DSTYK: variants seen among roughly 807,000 people sequenced by gnomAD.
DSTYK encodes dual serine/threonine and tyrosine protein kinase, also known as RIP-homologous kinase.
DSTYK carries 34 observed loss-of-function variants against 98.7 expected under a neutral mutation model. That is an observed-to-expected ratio of 0.34 (90% CI 0.26 to 0.46). DSTYK has a LOEUF of 0.46. Ranked by LOEUF, DSTYK falls within the 20% of genes least tolerant of loss-of-function variation. The pLI, the probability that DSTYK is intolerant of heterozygous loss-of-function variation, is 1.00. For missense variants in DSTYK, 962 were observed against 1,181.7 expected, an observed-to-expected ratio of 0.81 and a Z score of 2.73; for synonymous variants, 462 against 457.3, an observed-to-expected ratio of 1.01 and a Z score of -0.13.
chr1:205,159,082 TA>T (rs113724785), intron 9 of DSTYK, among the ~76,000 whole-genome samples: 28 of 149,030 alleles, frequency 1.9e-4, no homozygotes, highest in Middle Eastern at 6.8e-3. Context: ...GATAAATCTT[TA>T]AAAATTTTTT....
chr1:205,162,751 ATAAT>A (rs1450677915), intron 5 of DSTYK, among the ~76,000 whole-genome samples, 168 bp downstream of exon 5: 7 of 152,360 alleles, frequency 4.6e-5, no homozygotes, highest in Admixed American at 1.3e-4. Flanking sequence ...AACAATGTTA[ATAAT>A]TATTTAAGAA....
At chr1:205,196,429 T>G (rs1418664391) in intron 1 of DSTYK, among the ~76,000 whole-genome samples, 2 of 152,098 alleles carry the variant, frequency 1.3e-5, no homozygotes, top group Admixed American at 6.6e-5. Flanking sequence ...CGGTGGCATG[T>G]GCCTGTAGTC....
At position 205,160,207 on chromosome 1, in the gene DSTYK, T is replaced by C. The variant is rs764174507; in HGVS notation, c.2012A>G (p.Asn671Ser). The C allele has an allele frequency of 1.2e-6, 2 of 1,614,144 alleles. No homozygotes were observed. Among genetic ancestry groups the C allele is most frequent in the East Asian group, 2.2e-5 (1 of 44,882 alleles). The change falls in exon 8 of 13, where the codon AAC becomes AGC. Residue 671 changes from asparagine (N) to serine (S), a missense_variant. By Grantham distance (46) the Asn-to-Ser change is conservative (BLOSUM62 1). Around this residue, in one of 4 missense-constraint regions of DSTYK, gnomAD observed 660 missense variants for 855.0 expected, o/e 0.77. Coordinates refer to ENST00000367162, the MANE Select transcript of DSTYK (RefSeq NM_015375.3). Reference sequence around the variant, plus strand: ...GGCACAAGGGAAGTGTCCTCCCCAGTTGTCACACAGGTATACCACACCATA... The same window carrying C: ...GGCACAAGGGAAGTGTCCTCCCCAGCTGTCACACAGGTATACCACACCATA... ...GQYGVVYLCD[N>S]WGGHFPCALK...
At chr1:205,175,738 T>C (rs1658209141) in intron 2 of DSTYK, among the ~76,000 whole-genome samples, 1 of 152,156 alleles carries the variant, frequency 6.6e-6, no homozygotes, top group African/African-American at 2.4e-5. Context: ...TGGGCCTTAG[T>C]ATGGCCACCT....
intron 2 of DSTYK, among the ~76,000 whole-genome samples, chr1:205,185,796 G>A (rs1658544387): frequency 6.6e-6 from 1 of 152,144 alleles, no homozygotes; most frequent in Non-Finnish European, 1.5e-5. Flanking sequence ...GGTTGAGGTG[G>A]GTGGATCACT....
intron 1 of DSTYK, among the ~76,000 whole-genome samples, chr1:205,209,030 G>T (rs555178896): frequency 6.6e-6 from 1 of 152,168 alleles, no homozygotes; most frequent in Non-Finnish European, 1.5e-5. Context: ...ACAGACTCCC[G>T]ATGGTGAAGA....
intron 2 of DSTYK, among the ~76,000 whole-genome samples, chr1:205,175,514 A>G (rs1181786364): frequency 6.6e-6 from 1 of 152,124 alleles, no homozygotes; most frequent in Non-Finnish European, 1.5e-5. Flanking sequence ...TGCTCTGAGT[A>G]TCATGATTGT....
intron 6 of DSTYK, 106 bp from the exon 7 acceptor site, chr1:205,161,493 A>G (rs1408491532): frequency 8.5e-7 from 1 of 1,181,786 alleles, no homozygotes; most frequent in Non-Finnish European, 1.2e-6. Context: ...TAATTGTGAG[A>G]ATTAAACAAG....
chr1:205,177,821 C>T (rs912174386), intron 2 of DSTYK, among the ~76,000 whole-genome samples: 17 of 151,498 alleles, frequency 1.1e-4, no homozygotes, highest in Admixed American at 2.6e-4. Context: ...GAGCCAAGAT[C>T]GTGCCACTGC....
intron 1 of DSTYK, among the ~76,000 whole-genome samples, chr1:205,210,588 G>T (rs1337740091): frequency 2.6e-5 from 4 of 152,210 alleles, no homozygotes; most frequent in African/African-American, 9.6e-5. Context: ...AATCATGCAA[G>T]AAAGAACAAG....
intron 1 of DSTYK, among the ~76,000 whole-genome samples, chr1:205,203,432 A>G (rs1659100977): frequency 6.9e-6 from 1 of 144,932 alleles, no homozygotes; most frequent in Non-Finnish European, 1.5e-5. Context: ...CAGTGAGCCA[A>G]GATCCAGCCT....
rs751507920 is a variant in DSTYK at position 205,160,215 on chromosome 1, C to A, written c.2004G>T (p.Leu668=). The change falls in exon 8 of 13, where the codon CTG becomes CTT. Residue 668 remains leucine (L), a synonymous_variant. Coordinates refer to ENST00000367162, the MANE Select transcript of DSTYK (RefSeq NM_015375.3). ...GGAAGTGTCCTCCCCAGTTGTCACA[C>A]AGGTATACCACACCATACTGGCCCC... ...LGRGQYGVVY[L]CDNWGGHFPC... 1 of 1,614,142 alleles carries A rather than the reference C, an allele frequency of 6.2e-7. No homozygotes were observed. Among genetic ancestry groups the A allele is most frequent in the Admixed American group, 1.7e-5 (1 of 60,024 alleles).
chr1:205,196,588 T>G (rs765637264), intron 1 of DSTYK, among the ~76,000 whole-genome samples: 1 of 151,756 alleles, frequency 6.6e-6, no homozygotes, highest in Non-Finnish European at 1.5e-5. Context: ...AAAAACCCCA[T>G]CACTGAGACA....
At chr1:205,204,483 A>ACACAC (rs1491083892) in intron 1 of DSTYK, among the ~76,000 whole-genome samples, 1 of 98,622 alleles carries the variant, frequency 1.0e-5, no homozygotes, top group Non-Finnish European at 2.7e-5. Context: ...CACACACACA[A>ACACAC]CCACTCAAAC....
At chr1:205,193,181 G>A (rs1574791780) in intron 1 of DSTYK, among the ~76,000 whole-genome samples, 1 of 152,164 alleles carries the variant, frequency 6.6e-6, no homozygotes, top group Non-Finnish European at 1.5e-5. Context: ...TCTTTTCAGA[G>A]AAATTCTTAG....
chr1:205,148,408 C>G, intron 11 of DSTYK, 69 bp from the exon 12 acceptor site: 1 of 1,593,794 alleles, frequency 6.3e-7, no homozygotes, highest in Non-Finnish European at 8.5e-7. Context: ...CACCACCTTG[C>G]CTCAGTAGAG....
At position 205,169,632 on chromosome 1, in the gene DSTYK, G is replaced by T; in HGVS notation, c.855C>A (p.Gly285=). 6.2e-7 allele frequency: 1 copy of T among 1,614,192 alleles called. No homozygotes were observed. Among genetic ancestry groups the T allele is most frequent in the Non-Finnish European group, 8.5e-7 (1 of 1,180,036 alleles). ...TGGTTGAGGAGTCTATTATCTCCGAGCCCAGTTTCGGCACTTTGAAAAAGA... is the reference window on the plus strand; with the variant it reads ...TGGTTGAGGAGTCTATTATCTCCGATCCCAGTTTCGGCACTTTGAAAAAGA... ...PVFFFKVPKL[G]SEIIDSSTRR... is the part of the protein sequence containing the mutation. Residue 285 remains glycine, a synonymous_variant, in exon 3 of 13, where the codon GGC becomes GGA. Transcript: ENST00000367162. This position sits in a 1 kb window ranked among gnomAD's most constrained non-coding sequence, Gnocchi z 4.0.
At chr1:205,209,133 T>C (rs1224748962) in intron 1 of DSTYK, among the ~76,000 whole-genome samples, 2 of 152,210 alleles carry the variant, frequency 1.3e-5, no homozygotes, top group African/African-American at 2.4e-5. Flanking sequence ...CTTAAGTTGT[T>C]TTTTAAAGAA....
intron 1 of DSTYK, among the ~76,000 whole-genome samples, chr1:205,206,918 A>T (rs1273629037): frequency 6.6e-6 from 1 of 151,970 alleles, no homozygotes; most frequent in Non-Finnish European, 1.5e-5. Flanking sequence ...AACTCTAGAG[A>T]TCAGTACTGT....
Sources: allele counts gnomAD v4.1 joint callset (sites outside exome capture counted in the v4.1 genomes callset), GRCh38; gene constraint gnomAD v4.1.1; regional missense constraint gnomAD v4.1.1; non-coding constraint Gnocchi (gnomAD v3.1); transcripts MANE v1.5; gene names NCBI Gene and HGNC (gene_info 2026-07-23, HGNC 2026-07-21).